GPR63: variants seen among roughly 807,000 people sequenced by gnomAD.
GPR63 encodes the protein probable G protein-coupled receptor 63.
GPR63 carries 12 observed loss-of-function variants against 23.1 expected under a neutral mutation model. The observed-to-expected ratio is 0.52, with a 90% CI of 0.33 to 0.84. The LOEUF (loss-of-function observed/expected upper bound fraction) is 0.84, where lower values mean the gene tolerates loss of function less well. Ranked by LOEUF, GPR63 falls within the 40% of genes least tolerant of loss-of-function variation. GPR63 has a pLI of 0.02. For synonymous variants in GPR63, 172 were observed against 191.1 expected (o/e 0.90, Z 0.82); for missense variants, 472 against 515.6 (o/e 0.92, Z 0.82).
chr6:96,835,174 G>A (rs1475456854), intron 1 of GPR63, among the ~76,000 whole-genome samples: 6 of 152,080 alleles, frequency 3.9e-5, no homozygotes, highest in Non-Finnish European at 8.8e-5. Context: ...GAAAACCAGT[G>A]CTTTTTAACT....
In GPR63 at chr6:96,798,276, G is replaced by A; in HGVS notation, c.*196C>T. On this transcript the variant is annotated 3_prime_UTR_variant, in exon 2 of 2. Coordinates refer to ENST00000229955, the MANE Select transcript of GPR63 (RefSeq NM_030784.4). ...AAATTGAGGATTTCTATTGAACCCT[G>A]GAGGTAATATTTGTAATCACTTTCC... 1.7e-6 allele frequency: 1 copy of A among 582,174 alleles called. No homozygotes were observed. The highest frequency in any genetic ancestry group is 2.9e-5 in the East Asian group (1 of 34,126). 36.1% of individuals were successfully genotyped at this position (582,174 alleles called of 1,614,324 possible). A position where few individuals can be genotyped will look rare whatever the true frequency, so the allele number is the denominator to read the frequency against.
chr6:96,822,637 C>T (rs1254726218), intron 1 of GPR63, among the ~76,000 whole-genome samples: 3 of 152,182 alleles, frequency 2.0e-5, no homozygotes, highest in South Asian at 4.1e-4. Flanking sequence ...TTCCATCCTT[C>T]CCTTAACAAA....
rs1773638817 is a variant in GPR63, at chr6:96,798,105, A to T, written c.*367T>A. ...TTCCAGAAAAAAAAAGTCTTGATAA[A>T]CTCAAATAAGCATACCTTAGCAGCA... is the stretch of plus-strand genomic sequence containing the variant. On this transcript the variant is annotated 3_prime_UTR_variant, in exon 2 of 2. Coordinates refer to ENST00000229955, the MANE Select transcript of GPR63 (RefSeq NM_030784.4). 1 of 169,686 alleles carries T rather than the reference A, an allele frequency of 5.9e-6. No individual in the cohort carries two copies. Among genetic ancestry groups the T allele is most frequent in the African/African-American group, 2.4e-5 (1 of 41,850 alleles). The allele number at this position is 169,686 out of a possible 1,614,324, so 10.5% of individuals were successfully genotyped here. A position where few individuals can be genotyped will look rare whatever the true frequency, so the allele number is the denominator to read the frequency against.
At chr6:96,820,167 A>C (rs551013543) in intron 1 of GPR63, among the ~76,000 whole-genome samples, 1 of 152,204 alleles carries the variant, frequency 6.6e-6, no homozygotes, top group East Asian at 1.9e-4. Context: ...GCTTTCAATG[A>C]TCATAAAACA....
At chr6:96,801,555 TGATGGGTAGG>T (rs745754245) in intron 1 of GPR63, among the ~76,000 whole-genome samples, 4 of 152,174 alleles carry the variant, frequency 2.6e-5, no homozygotes, top group Non-Finnish European at 5.9e-5. Flanking sequence ...TACTAATGCA[TGATGGGTAGG>T]GATATCACAT....
intron 1 of GPR63, among the ~76,000 whole-genome samples, chr6:96,804,912 G>A (rs569229925): frequency 3.6e-4 from 54 of 152,110 alleles, no homozygotes; most frequent in African/African-American, 8.9e-4. Flanking sequence ...AATATTTTCC[G>A]TTCTTGTTTA....
chr6:96,803,084 C>T (rs1045088103), intron 1 of GPR63, among the ~76,000 whole-genome samples: 8 of 152,174 alleles, frequency 5.3e-5, no homozygotes, highest in African/African-American at 9.7e-5. Flanking sequence ...CTGACAAGCA[C>T]CACACTCGAA....
intron 1 of GPR63, among the ~76,000 whole-genome samples, chr6:96,806,432 A>G (rs1412061536): frequency 6.6e-6 from 1 of 152,132 alleles, no homozygotes; most frequent in Non-Finnish European, 1.5e-5. Context: ...AAGCTGCCAT[A>G]TTTGAGTAAT....
chr6:96,806,167 T>C (rs1413243688), intron 1 of GPR63, among the ~76,000 whole-genome samples: 1 of 152,218 alleles, frequency 6.6e-6, no homozygotes, highest in Admixed American at 6.5e-5. Context: ...ATACAGTAAG[T>C]GGCAAATACC....
intron 1 of GPR63, among the ~76,000 whole-genome samples, chr6:96,831,829 C>A (rs1774589998): frequency 6.6e-6 from 1 of 151,896 alleles, no homozygotes; most frequent in South Asian, 2.1e-4. Flanking sequence ...TCGCTTGAAC[C>A]CGGGAGGCGG....
chr6:96,818,613 ATAT>A (rs1299465785), intron 1 of GPR63, among the ~76,000 whole-genome samples: 1 of 152,246 alleles, frequency 6.6e-6, no homozygotes, highest in Admixed American at 6.5e-5. Flanking sequence ...ACACATGAAA[ATAT>A]TATGCTAGCA....
At chr6:96,815,436 G>A (rs954617805) in intron 1 of GPR63, among the ~76,000 whole-genome samples, 1 of 148,928 alleles carries the variant, frequency 6.7e-6, no homozygotes, top group Admixed American at 6.8e-5. Context: ...GAGAAATGGG[G>A]AAGTGTTCTT....
At chr6:96,817,240 A>G (rs1185896599) in intron 1 of GPR63, among the ~76,000 whole-genome samples, 1 of 152,216 alleles carries the variant, frequency 6.6e-6, no homozygotes, top group African/African-American at 2.4e-5. Context: ...ACAGTACAAA[A>G]CAAAATCCAC....
Position 96,799,033 on chromosome 6 carries a change from G to A in GPR63, c.699C>T (p.Tyr233=). 5 of 1,614,174 alleles carry A rather than the reference G, an allele frequency of 3.1e-6. No individual in the cohort carries two copies. The highest frequency in any genetic ancestry group is 1.1e-5 in the South Asian group (1 of 91,086). The change falls in exon 2 of 2, where the codon TAC becomes TAT. Residue 233 remains tyrosine (Y), a synonymous_variant. Coordinates refer to ENST00000229955, the MANE Select transcript of GPR63 (RefSeq NM_030784.4). ...AAGCCTGGTAGCCTGGATTGGTTGTGTACCCAAACACACACTGGGGAGCTC... is the reference window on the plus strand; with the variant it reads ...AAGCCTGGTAGCCTGGATTGGTTGTATACCCAAACACACACTGGGGAGCTC... ...PSRAPQCVFG[Y]TTNPGYQAYV... is the part of the protein sequence containing the mutation.
chr6:96,834,100 G>A (rs987534927), intron 1 of GPR63, among the ~76,000 whole-genome samples: 1 of 152,072 alleles, frequency 6.6e-6, no homozygotes, highest in Non-Finnish European at 1.5e-5. Flanking sequence ...AAACAGAAGT[G>A]GATACAAATC....
intron 1 of GPR63, among the ~76,000 whole-genome samples, chr6:96,807,270 G>A (rs1773919359): frequency 6.6e-6 from 1 of 152,208 alleles, no homozygotes; most frequent in Admixed American, 6.5e-5. Context: ...CATGGCAGAA[G>A]GGACAGAGAT....
chr6:96,801,304 G>A (rs12203692), intron 1 of GPR63, among the ~76,000 whole-genome samples: 51,903 of 151,372 alleles, frequency 0.34, 9,192 homozygotes, highest in African/African-American at 0.42. Flanking sequence ...GGTTCAAGCG[G>A]TTCTCCTACC....
chr6:96,829,646 G>A (rs1385400198), intron 1 of GPR63, among the ~76,000 whole-genome samples: 1 of 152,116 alleles, frequency 6.6e-6, no homozygotes, highest in African/African-American at 2.4e-5. Context: ...GCTACAGTGA[G>A]CCATGATCAC....
At chr6:96,810,630 A>C (rs943106431) in intron 1 of GPR63, among the ~76,000 whole-genome samples, 1 of 152,202 alleles carries the variant, frequency 6.6e-6, no homozygotes, top group Admixed American at 6.5e-5. Flanking sequence ...ACTAAAAAAA[A>C]AAGAAAAAAT....
Sources: allele counts gnomAD v4.1 joint callset (sites outside exome capture counted in the v4.1 genomes callset), GRCh38; gene constraint gnomAD v4.1.1; transcripts MANE v1.5; gene names NCBI Gene and HGNC (gene_info 2026-07-23, HGNC 2026-07-21).